Variants in DYNC1I1 observed in about 807,000 individuals in gnomAD.
DYNC1I1 encodes cytoplasmic dynein 1 intermediate chain 1.
In DYNC1I1, 43 loss-of-function variants were observed where a neutral mutation model predicts 86.6. That is an observed-to-expected ratio of 0.50 (90% CI 0.39 to 0.64). The LOEUF is 0.64. Ranked by LOEUF, DYNC1I1 falls within the 30% of genes least tolerant of loss-of-function variation. The pLI, the probability that DYNC1I1 is intolerant of heterozygous loss-of-function variation, is 0.00. For missense variants in DYNC1I1, 604 were observed against 788.8 expected (o/e 0.77, Z 2.81); for synonymous variants, 262 against 283.7 (o/e 0.92, Z 0.77).
intron 6 of DYNC1I1, among the ~76,000 whole-genome samples, chr7:95,927,610 TG>T (rs1409029819): frequency 2.6e-5 from 4 of 152,038 alleles, no homozygotes; most frequent in African/African-American, 9.7e-5. Context: ...AGTATGGGGA[TG>T]GGGGAGAGAG....
chr7:95,829,067 T>C (rs1485272359), intron 5 of DYNC1I1, among the ~76,000 whole-genome samples: 3 of 152,184 alleles, frequency 2.0e-5, no homozygotes, highest in African/African-American at 4.8e-5. Context: ...CATAACCACA[T>C]TTTATGGAAC....
At chr7:96,039,658 A>T (rs557997946) in intron 14 of DYNC1I1, among the ~76,000 whole-genome samples, 3 of 152,258 alleles carry the variant, frequency 2.0e-5, no homozygotes, top group Admixed American at 1.3e-4. Flanking sequence ...AATTCAAATA[A>T]TGATAAAGCT....
intron 5 of DYNC1I1, among the ~76,000 whole-genome samples, chr7:95,867,170 A>G (rs1339808248): frequency 1.3e-5 from 2 of 152,204 alleles, no homozygotes; most frequent in South Asian, 2.1e-4. Flanking sequence ...CAACTCTACT[A>G]TCTTAAGGAA....
intron 6 of DYNC1I1, among the ~76,000 whole-genome samples, chr7:95,910,234 G>A (rs1040364943): frequency 6.6e-6 from 1 of 152,024 alleles, no homozygotes; most frequent in Non-Finnish European, 1.5e-5. Flanking sequence ...CTTGGATCCT[G>A]TACCTTTCAT....
At chr7:96,105,236 C>T (rs1791198396) in intron 16 of DYNC1I1, among the ~76,000 whole-genome samples, 2 of 151,860 alleles carry the variant, frequency 1.3e-5, no homozygotes, top group African/African-American at 4.8e-5. Flanking sequence ...TTGCTTACTA[C>T]ATACACAATT....
At chr7:95,796,088 T>TA (rs1415064548) in intron 1 of DYNC1I1, among the ~76,000 whole-genome samples, 5 of 151,522 alleles carry the variant, frequency 3.3e-5, no homozygotes, top group East Asian at 1.9e-4. Flanking sequence ...GACAAAGGAA[T>TA]AAAAAAAATC....
At chr7:96,087,355 C>T (rs1383083723) in intron 16 of DYNC1I1, among the ~76,000 whole-genome samples, 1 of 152,162 alleles carries the variant, frequency 6.6e-6, no homozygotes, top group Admixed American at 6.5e-5. Flanking sequence ...AGGCCTTTGT[C>T]CCCTGAGCAA....
chr7:95,893,525 A>C (rs2116278532), intron 6 of DYNC1I1, among the ~76,000 whole-genome samples: 1 of 152,328 alleles, frequency 6.6e-6, no homozygotes, highest in Admixed American at 6.5e-5. Context: ...CTTCCTTAAA[A>C]TTTGATATAA....
At chr7:96,054,148 C>T (rs997262353) in intron 14 of DYNC1I1, among the ~76,000 whole-genome samples, 2 of 152,136 alleles carry the variant, frequency 1.3e-5, no homozygotes, top group South Asian at 2.1e-4. Context: ...CCCCTCACCC[C>T]GCAACAGGCC....
intron 1 of DYNC1I1, among the ~76,000 whole-genome samples, chr7:95,779,854 G>GATGA (rs1793940957): frequency 2.0e-5 from 3 of 152,324 alleles, no homozygotes; most frequent in African/African-American, 7.2e-5. Flanking sequence ...CTGTGCCCAA[G>GATGA]ATGAATGTGT....
chr7:95,816,588 C>T (rs1794951172), intron 4 of DYNC1I1, among the ~76,000 whole-genome samples: 2 of 152,026 alleles, frequency 1.3e-5, no homozygotes, highest in South Asian at 2.1e-4. Context: ...GCAACACGCT[C>T]TTGGATTTTA....
At chr7:95,866,850 C>T (rs186930436) in intron 5 of DYNC1I1, among the ~76,000 whole-genome samples, 2 of 152,294 alleles carry the variant, frequency 1.3e-5, no homozygotes, top group Admixed American at 1.3e-4. Context: ...ATGATCAGTA[C>T]ATTGGGAAAA....
chr7:95,872,244 A>G (rs1004830929), intron 6 of DYNC1I1, among the ~76,000 whole-genome samples: 1 of 152,228 alleles, frequency 6.6e-6, no homozygotes, highest in Admixed American at 6.5e-5. Flanking sequence ...TTTCAGCGGC[A>G]GGAAACAACT....
At chr7:95,998,793 C>T (rs1405068022) in intron 10 of DYNC1I1, among the ~76,000 whole-genome samples, 1 of 152,088 alleles carries the variant, frequency 6.6e-6, no homozygotes, top group Non-Finnish European at 1.5e-5. Flanking sequence ...TAATTGTAAA[C>T]AAAACCAATG....
intron 6 of DYNC1I1, among the ~76,000 whole-genome samples, chr7:95,873,163 T>G (rs1790218091): frequency 1.3e-5 from 2 of 152,212 alleles, no homozygotes; most frequent in African/African-American, 4.8e-5. Context: ...GGTCAAGGTT[T>G]AATCTCTACT....
At chr7:95,806,541 G>A (rs1164542287) in intron 2 of DYNC1I1, among the ~76,000 whole-genome samples, 1 of 152,188 alleles carries the variant, frequency 6.6e-6, no homozygotes, top group Non-Finnish European at 1.5e-5. Flanking sequence ...CCTGGTTGTT[G>A]CCTTGTTCTG....
intron 1 of DYNC1I1, among the ~76,000 whole-genome samples, chr7:95,778,303 G>A (rs546412418): frequency 2.6e-5 from 4 of 152,326 alleles, no homozygotes; most frequent in South Asian, 2.1e-4. Context: ...CAAAAGCTGC[G>A]GATCTGGAAA....
intron 6 of DYNC1I1, among the ~76,000 whole-genome samples, chr7:95,954,222 G>A (rs1025276598): frequency 6.6e-6 from 1 of 150,892 alleles, no homozygotes; most frequent in Non-Finnish European, 1.5e-5. Context: ...TTAAAAATTG[G>A]TTATTTAAAA....
At chr7:96,013,974 C>A (rs986249619) in intron 10 of DYNC1I1, among the ~76,000 whole-genome samples, 1 of 152,130 alleles carries the variant, frequency 6.6e-6, no homozygotes. Flanking sequence ...CTTTCCACTA[C>A]GTCTGTATCC....
Sources: gnomAD v4.1 joint callset for allele counts (sites outside exome capture counted in the v4.1 genomes callset) on GRCh38, gnomAD v4.1.1 for gene constraint, MANE v1.5 for transcripts, NCBI Gene and HGNC (gene_info 2026-07-23, HGNC 2026-07-21) for gene names.